The following CYP1A1 variants were observed in gnomAD, a reference collection of about 807,000 sequenced individuals.
CYP1A1 encodes the protein cytochrome P450 family 1 subfamily A member 1.
In CYP1A1, 43 loss-of-function variants were observed where a neutral mutation model predicts 33.6. That is an observed-to-expected ratio of 1.28 (90% CI 1.00 to 1.65). The LOEUF (loss-of-function observed/expected upper bound fraction) is 1.65. Ranked by LOEUF, CYP1A1 falls within the 40% of genes most tolerant of loss-of-function variation. CYP1A1 has a pLI of 0.00. For missense variants in CYP1A1, 637 were observed against 653.7 expected, an observed-to-expected ratio of 0.97 and a Z score of 0.28; for synonymous variants, 280 against 257.8, an observed-to-expected ratio of 1.09 and a Z score of -0.83.
Position 74,721,449 on chromosome 15 carries a change from T to C in CYP1A1, c.1007A>G (p.Asn336Ser), listed in dbSNP as rs762331374. The change falls in exon 4 of 7, where the codon AAC becomes AGC. Residue 336 changes from asparagine to serine, a missense_variant. Coordinates refer to ENST00000379727, the MANE Select transcript of CYP1A1 (RefSeq NM_001319217.2). Reference sequence around the variant, plus strand: ...TTGGATCTTTCTCTGTACCCTGGGGTTCATCACCAAATACATGAGGCTCCA... The same window carrying C: ...TTGGATCTTTCTCTGTACCCTGGGGCTCATCACCAAATACATGAGGCTCCA... The part of the protein sequence containing the change: ...ISWSLMYLVM[N>S]PRVQRKIQEE... 6 of 1,613,920 alleles carry C rather than the reference T, an allele frequency of 3.7e-6. No homozygotes were observed. Among genetic ancestry groups the C allele is most frequent in the Admixed American group, 1.7e-5 (1 of 59,990 alleles).
chr15:74,724,772 A>G (rs534284938), intron 1 of CYP1A1, among the ~76,000 whole-genome samples: 71 of 151,740 alleles, frequency 4.7e-4, no homozygotes, highest in African/African-American at 1.7e-3. Context: ...AGGCCAAGGG[A>G]GATGTGACTG....
Position 74,724,842 on chromosome 15 carries a change from T to C in CYP1A1, c.-30+599A>G, listed in dbSNP as rs886315844. 1.7e-4 allele frequency among the ~76,000 whole-genome samples: 26 copies of C among 152,030 alleles called. 1 individual carries two copies. Among genetic ancestry groups the C allele is most frequent in the Admixed American group, 1.4e-3 (21 of 15,260 alleles). ...GCAGTTGGCAATCTGTCACCCTGAT[T>C]GTCTCCCAGCAAAGGACAAAGAAGA... On this transcript the variant is annotated intron_variant, in intron 1 of 6. Transcript: ENST00000379727.
intron 2 of CYP1A1, 109 bp from the exon 3 acceptor site, chr15:74,721,826 C>T: frequency 7.1e-7 from 1 of 1,405,156 alleles, no homozygotes; most frequent in Non-Finnish European, 9.6e-7. Context: ...GAGGTGATGC[C>T]CCCTGAGGCT....
At position 74,722,873 on chromosome 15, in the gene CYP1A1, C is replaced by T. The variant is rs1338856272; in HGVS notation, c.225G>A (p.Gln75=). 19 of 1,614,062 alleles carry T rather than the reference C, an allele frequency of 1.2e-5. No individual in the cohort carries two copies. The East Asian group carries it at 2.5e-4, about 21-fold the overall frequency. The change falls in exon 2 of 7, where the codon CAG becomes CAA. Residue 75 remains glutamine (Q), a synonymous_variant. Transcript: ENST00000379727. ...RMSQQYGDVL[Q]IRIGSTPVVV... ...CCACGGGTGTGGAGCCAATTCGGAT[C>T]TGCAGCACGTCCCCATACTGCTGGC...
rs2063164353 is a variant in CYP1A1 at position 74,720,983 on chromosome 15, G to C, written c.1237C>G (p.Gln413Glu). The C allele has an allele frequency of 2.5e-6, 4 of 1,614,058 alleles. No homozygotes were observed. The highest frequency in any genetic ancestry group is 3.4e-6 in the Non-Finnish European group (4 of 1,180,034). Reference protein sequence around the residue: ...KGRCVFVNQWQINHDQKLWVN... With the variant: ...KGRCVFVNQWEINHDQKLWVN... ...TGAACTTACTGGTCATGGTTGATCT[G>C]CCACTGGTTTACAAAGACACAACGC... The change falls in exon 6 of 7, where the codon CAG becomes GAG. Residue 413 changes from glutamine to glutamate, a missense_variant. Gln to Glu is a conservative substitution (Grantham distance 29). Transcript: ENST00000379727.
rs757053417 is a variant in CYP1A1 at position 74,721,486 on chromosome 15, T to C, written c.970A>G (p.Thr324Ala). Residue 324 changes from threonine (T) to alanine (A), a missense_variant, in exon 4 of 7, where the codon ACT becomes GCT. Thr to Ala is a moderately conservative substitution (Grantham distance 58, BLOSUM62 0). Coordinates refer to ENST00000379727, the MANE Select transcript of CYP1A1 (RefSeq NM_001319217.2). ...TACATGAGGCTCCAGGAGATAGCAG[T>C]TGTGACTGTGTCAAACCCTGGACAG... ...LFGAGFDTVT[T>A]AISWSLMYLV... 8 of 1,614,000 alleles carry C rather than the reference T, an allele frequency of 5.0e-6. No individual in the cohort carries two copies. Among genetic ancestry groups the C allele is most frequent in the Middle Eastern group, 1.6e-4 (1 of 6,084 alleles).
At chr15:74,724,994 T>C (rs2063204144) in intron 1 of CYP1A1, among the ~76,000 whole-genome samples, 1 of 152,144 alleles carries the variant, frequency 6.6e-6, no homozygotes, top group African/African-American at 2.4e-5. Flanking sequence ...GGTAGCTTCT[T>C]AGGCTAGGGC....
chr15:74,722,777 G>A lies in CYP1A1; in HGVS notation c.321C>T (p.Pro107=), dbSNP rs35267501. 1.1e-4 allele frequency: 183 copies of A among 1,612,638 alleles called. No individual in the cohort carries two copies. The African/African-American group carries it at 1.7e-3, about 15-fold the overall frequency. Residue 107 remains proline (P), a synonymous_variant, in exon 2 of 7, where the codon CCC becomes CCT. Transcript: ENST00000379727. ...VRQGDDFKGR[P]DLYTFTLISN... ...TGATGAGGGTGAAGGTGTAGAGGTC[G>A]GGCCGGCCCTTGAAATCATCGCCCT... is the stretch of plus-strand genomic sequence containing the variant.
chr15:74,720,379 C>A lies in CYP1A1; in HGVS notation c.*110G>T. The A allele has an allele frequency of 8.0e-7, 1 of 1,251,430 alleles. No homozygotes were observed. The highest frequency in any genetic ancestry group is 1.6e-5 in the South Asian group (1 of 61,462). The allele number at this position is 1,251,430 out of a possible 1,614,324, so 77.5% of individuals were successfully genotyped here. On this transcript the variant is annotated 3_prime_UTR_variant, in exon 7 of 7. Coordinates refer to ENST00000379727, the MANE Select transcript of CYP1A1 (RefSeq NM_001319217.2). ...CCAGATAGCAAAACTGCAGCCAGATCAGTGTCTATGAGTTTCAGGCTGAAC... is the reference window on the plus strand; with the variant it reads ...CCAGATAGCAAAACTGCAGCCAGATAAGTGTCTATGAGTTTCAGGCTGAAC...
chr15:74,720,414 C>T lies in CYP1A1; in HGVS notation c.*75G>A. The T allele has an allele frequency of 6.8e-7, 1 of 1,473,902 alleles. No individual in the cohort carries two copies. Among genetic ancestry groups the T allele is most frequent in the Non-Finnish European group, 9.1e-7 (1 of 1,098,980 alleles). 91.3% of individuals were successfully genotyped at this position (1,473,902 alleles called of 1,614,324 possible). A position where few individuals can be genotyped will look rare whatever the true frequency, so the allele number is the denominator to read the frequency against. Reference sequence around the variant, plus strand: ...GAGTTTCAGGCTGAACCTTAGACCACATAGGCCAGCCTGCTGGTCTGGCTG... The same window carrying T: ...GAGTTTCAGGCTGAACCTTAGACCATATAGGCCAGCCTGCTGGTCTGGCTG... On this transcript the variant is annotated 3_prime_UTR_variant, in exon 7 of 7. Transcript: ENST00000379727.
At position 74,721,676 on chromosome 15, in the gene CYP1A1, A is replaced by C. The variant is rs1056775144; in HGVS notation, c.867T>G (p.Cys289Trp). ...CGTTCTCATCCAGCTGCTTCTCCTG[A>C]CAGTGCTCAATCAGGCTGTCTGTGA... Reference protein sequence around the residue: ...RDITDSLIEHCQEKQLDENAN... With the variant: ...RDITDSLIEHWQEKQLDENAN... The change falls in exon 3 of 7, where the codon TGT (cysteine) becomes TGG (tryptophan). Residue 289 changes from cysteine (C) to tryptophan (W), a missense_variant. Transcript: ENST00000379727. 3 of 1,614,156 alleles carry C rather than the reference A, an allele frequency of 1.9e-6. No individual in the cohort carries two copies. The highest frequency in any genetic ancestry group is 2.5e-6 in the Non-Finnish European group (3 of 1,180,022).
At chr15:74,725,268 C>T (rs991036502) in intron 1 of CYP1A1, 173 bp downstream of exon 1, 1 of 152,430 alleles carries the variant, frequency 6.6e-6, no homozygotes, top group South Asian at 2.1e-4. Flanking sequence ...TCCTCCTCTT[C>T]CCCTGGCCTC....
chr15:74,720,676 C>A lies in CYP1A1; in HGVS notation c.1352G>T (p.Gly451Val), dbSNP rs772810680. Reference protein sequence around the residue: ...KVLSEKVIIFGMGKRKCIGET... With the variant: ...KVLSEKVIIFVMGKRKCIGET... ...ACCGATACACTTCCGCTTGCCCATGCCAAAGATAATCACCTTCTCACTTAA... is the reference window on the plus strand; with the variant it reads ...ACCGATACACTTCCGCTTGCCCATGACAAAGATAATCACCTTCTCACTTAA... The change falls in exon 7 of 7, where the codon GGC (glycine) becomes GTC (valine). Residue 451 changes from glycine (G) to valine (V), a missense_variant. By Grantham distance (109) the Gly-to-Val change is moderately radical. Transcript: ENST00000379727. 1.9e-6 allele frequency: 3 copies of A among 1,614,144 alleles called. No homozygotes were observed. The South Asian group carries it at 3.3e-5, about 18-fold the overall frequency.
chr15:74,722,561 T>C lies in CYP1A1; in HGVS notation c.537A>G (p.Ala179=). 1 of 1,614,162 alleles carries C rather than the reference T, an allele frequency of 6.2e-7. No individual in the cohort carries two copies. The highest frequency in any genetic ancestry group is 1.7e-5 in the Admixed American group (1 of 60,014). ...VLISTLQELM[A]GPGHFNPYRY... is the part of the protein sequence containing the mutation. ...TGTAGGGGTTAAAGTGCCCAGGCCCTGCCATCAGCTCCTGCAACGTGCTTA... is the reference window on the plus strand; with the variant it reads ...TGTAGGGGTTAAAGTGCCCAGGCCCCGCCATCAGCTCCTGCAACGTGCTTA... Residue 179 remains alanine (A), a synonymous_variant, in exon 2 of 7, where the codon GCA becomes GCG. Coordinates refer to ENST00000379727, the MANE Select transcript of CYP1A1 (RefSeq NM_001319217.2).
Position 74,721,288 on chromosome 15 carries a change from G to C in CYP1A1, c.1077C>G (p.Leu359=). The change falls in exon 5 of 7, where the codon CTC becomes CTG. Residue 359 remains leucine (L), a synonymous_variant. Transcript: ENST00000379727. ...TVIGRSRRPR[L]SDRSHLPYME... is the part of the protein sequence containing the mutation. ...TATAGGGCAGATGGGATCTGTCAGAGAGCCGGGGCCGCCGTGACCTGCCAA... is the reference window on the plus strand; with the variant it reads ...TATAGGGCAGATGGGATCTGTCAGACAGCCGGGGCCGCCGTGACCTGCCAA... The C allele has an allele frequency of 1.2e-6, 2 of 1,613,776 alleles. No individual in the cohort carries two copies. Among genetic ancestry groups the C allele is most frequent in the Non-Finnish European group, 1.7e-6 (2 of 1,179,832 alleles).
At chr15:74,725,175 A>T (rs540400148) in intron 1 of CYP1A1, 3 of 152,892 alleles carry the variant, frequency 2.0e-5, no homozygotes, top group Admixed American at 2.0e-4. Context: ...TAGGGGATGG[A>T]GCTGGAGCCT....
chr15:74,722,732 G>A lies in CYP1A1; in HGVS notation c.366C>T (p.Ser122=). 6.2e-7 allele frequency: 1 copy of A among 1,613,512 alleles called. No individual in the cohort carries two copies. Among genetic ancestry groups the A allele is most frequent in the East Asian group, 2.2e-5 (1 of 44,880 alleles). ...ACACTGGTCCAGAGTCTGGGCTGAA[G>A]GACATGCTCTGACCATTACTGATGA... is the stretch of plus-strand genomic sequence containing the variant. ...FTLISNGQSM[S]FSPDSGPVWA... Residue 122 remains serine (S), a synonymous_variant, in exon 2 of 7, where the codon TCC becomes TCT. Coordinates refer to ENST00000379727, the MANE Select transcript of CYP1A1 (RefSeq NM_001319217.2).
Position 74,720,976 on chromosome 15 carries a change from T to C in CYP1A1, c.1244A>G (p.Asn415Ser), listed in dbSNP as rs762876189. The C allele has an allele frequency of 6.2e-7, 1 of 1,614,160 alleles. No individual in the cohort carries two copies. ...RCVFVNQWQI[N>S]HDQKLWVNPS... Reference sequence around the variant, plus strand: ...GCATCTCTGAACTTACTGGTCATGGTTGATCTGCCACTGGTTTACAAAGAC... The same window carrying C: ...GCATCTCTGAACTTACTGGTCATGGCTGATCTGCCACTGGTTTACAAAGAC... The change falls in exon 6 of 7, where the codon AAC becomes AGC. Residue 415 changes from asparagine (N) to serine (S), a missense_variant. Transcript: ENST00000379727.
At chr15:74,722,245 C>A (rs761449549) in intron 2 of CYP1A1, 28 bp downstream of exon 2, 30 of 1,580,104 alleles carry the variant, frequency 1.9e-5, no homozygotes, top group Middle Eastern at 1.7e-4. Context: ...TGCTTCCCAC[C>A]ACCCACCTGC....
Sources: allele counts gnomAD v4.1 joint callset (sites outside exome capture counted in the v4.1 genomes callset), GRCh38; gene constraint gnomAD v4.1.1; transcripts MANE v1.5; gene names NCBI Gene and HGNC (gene_info 2026-07-23, HGNC 2026-07-21).